Variants in MCPH1 observed in about 807,000 individuals in gnomAD.
MCPH1 encodes microcephalin 1.
A neutral mutation model predicts 84.5 loss-of-function variants in MCPH1; 104 were observed. That is an observed-to-expected ratio of 1.23 (90% CI 1.05 to 1.45). The LOEUF is 1.45. Ranked by LOEUF, MCPH1 falls within the 40% of genes most tolerant of loss-of-function variation. The pLI, the probability that MCPH1 is intolerant of heterozygous loss-of-function variation, is 0.00. For missense variants in MCPH1, 1,498 were observed against 1,005.7 expected (o/e 1.49, Z -6.62); for synonymous variants, 514 against 366.8 (o/e 1.40, Z -4.58).
chr8:6,604,382 A>C (rs796682931), intron 12 of MCPH1, among the ~76,000 whole-genome samples: 2 of 152,356 alleles, frequency 1.3e-5, no homozygotes, highest in African/African-American at 2.4e-5. Context: ...TGTAGACTCC[A>C]CTACCCTAAT....
Position 6,647,774 on chromosome 8 carries a change from G to C in MCPH1, c.*4725G>C, listed in dbSNP as rs1045546681. 4.6e-5 allele frequency: 7 copies of C among 152,226 alleles called. No homozygotes were observed. Among genetic ancestry groups the C allele is most frequent in the African/African-American group, 9.7e-5 (4 of 41,446 alleles). The allele number at this position is 152,226 out of a possible 1,614,324, so 9.4% of individuals were successfully genotyped here. On this transcript the variant is annotated 3_prime_UTR_variant, in exon 14 of 14. Transcript: ENST00000344683. ...AGCTGGGGATGGGAGTGGGAACAGA[G>C]AGCAAACATTTTGGGATGATGGAAA...
At chr8:6,531,933 A>T (rs1163701340) in intron 12 of MCPH1, among the ~76,000 whole-genome samples, 1 of 152,202 alleles carries the variant, frequency 6.6e-6, no homozygotes, top group East Asian at 1.9e-4. Context: ...ATTTAAGGCC[A>T]GAGTTTCTAG....
chr8:6,517,417 C>T (rs1816474602), intron 12 of MCPH1, among the ~76,000 whole-genome samples: 1 of 152,176 alleles, frequency 6.6e-6, no homozygotes, highest in Non-Finnish European at 1.5e-5. Flanking sequence ...AGGAAATGAC[C>T]ATACATGCTT....
At chr8:6,465,881 G>A (rs968295372) in intron 9 of MCPH1, among the ~76,000 whole-genome samples, 1 of 152,026 alleles carries the variant, frequency 6.6e-6, no homozygotes, top group Non-Finnish European at 1.5e-5. Context: ...ATTTATGTCT[G>A]TTCTCTTGAG....
At chr8:6,531,801 TA>T (rs5889176) in intron 12 of MCPH1, among the ~76,000 whole-genome samples, 102,954 of 151,902 alleles carry the variant, frequency 0.68, 35,130 homozygotes, top group Non-Finnish European at 0.72. Context: ...TGCTCGGGCG[TA>T]GCACCATCTT....
chr8:6,427,284 T>C (rs1036363564), intron 3 of MCPH1, among the ~76,000 whole-genome samples: 1 of 152,216 alleles, frequency 6.6e-6, no homozygotes, highest in African/African-American at 2.4e-5. Flanking sequence ...CCTAGGACAT[T>C]ACTACTATAC....
intron 11 of MCPH1, among the ~76,000 whole-genome samples, chr8:6,499,304 A>G (rs959397038): frequency 1.2e-4 from 18 of 152,128 alleles, no homozygotes; most frequent in African/African-American, 3.4e-4. Flanking sequence ...GATGATAATG[A>G]TGACGATGAA....
At chr8:6,423,933 T>G (rs1019864243) in intron 3 of MCPH1, among the ~76,000 whole-genome samples, 1 of 152,220 alleles carries the variant, frequency 6.6e-6, no homozygotes, top group South Asian at 2.1e-4. Context: ...TTAGTGAGCT[T>G]GAATTTTCTT....
intron 11 of MCPH1, among the ~76,000 whole-genome samples, chr8:6,482,141 A>G (rs1212640982): frequency 6.6e-6 from 1 of 152,176 alleles, no homozygotes; most frequent in Non-Finnish European, 1.5e-5. Context: ...TATTTGGCCT[A>G]ATAATGTTCC....
At chr8:6,407,181 C>T (rs1431207601) in intron 1 of MCPH1, 1 of 195,096 alleles carries the variant, frequency 5.1e-6, no homozygotes, top group African/African-American at 2.4e-5. Flanking sequence ...TGGGTCTGGT[C>T]CTGTTCGACC....
At position 6,466,142 on chromosome 8, in the gene MCPH1, T is replaced by C. The variant is rs901115343; in HGVS notation, c.1935+10890T>C. On this transcript the variant is annotated intron_variant, in intron 9 of 13. Coordinates refer to ENST00000344683, the MANE Select transcript of MCPH1 (RefSeq NM_024596.5). The stretch of plus-strand genomic sequence containing the variant: ...GCTAATTTTTGGATTTTTTTTTTTT[T>C]TTTTTTTTTTCCTGAGACAGAGTCT... 8.7e-3 allele frequency among the ~76,000 whole-genome samples: 1,253 copies of C among 143,236 alleles called. 29 individuals carry two copies. The highest frequency in any genetic ancestry group is 0.03 in the African/African-American group (1,167 of 38,674). 94.0% of individuals were successfully genotyped at this position (143,236 alleles called of 152,430 possible).
At chr8:6,494,381 G>A (rs1309005039) in intron 11 of MCPH1, 1 of 152,070 alleles carries the variant, frequency 6.6e-6, no homozygotes, top group East Asian at 1.9e-4. Flanking sequence ...TTCTCTGATG[G>A]CCTGTGTGTT....
At chr8:6,420,021 C>A (rs911122327) in intron 3 of MCPH1, among the ~76,000 whole-genome samples, 11 of 151,422 alleles carry the variant, frequency 7.3e-5, no homozygotes, top group South Asian at 2.1e-4. Flanking sequence ...TGCTGTCTTG[C>A]ATAGTTTCTT....
intron 12 of MCPH1, among the ~76,000 whole-genome samples, chr8:6,587,713 A>T (rs1191577612): frequency 6.6e-6 from 1 of 152,374 alleles, no homozygotes; most frequent in Admixed American, 6.5e-5. Context: ...ATAAGAATGC[A>T]GTATTACTTG....
At chr8:6,565,560 T>G (rs776241197) in intron 12 of MCPH1, among the ~76,000 whole-genome samples, 1 of 152,184 alleles carries the variant, frequency 6.6e-6, no homozygotes, top group Admixed American at 6.5e-5. Context: ...GTACCTGGCC[T>G]GCATATATGG....
chr8:6,427,188 C>T (rs1019265976), intron 3 of MCPH1, among the ~76,000 whole-genome samples: 3 of 152,174 alleles, frequency 2.0e-5, no homozygotes, highest in Non-Finnish European at 4.4e-5. Context: ...GGTACACCTA[C>T]ATAGGGCGTT....
chr8:6,617,790 C>T (rs1445158368), intron 12 of MCPH1, among the ~76,000 whole-genome samples: 1 of 152,162 alleles, frequency 6.6e-6, no homozygotes, highest in Non-Finnish European at 1.5e-5. Context: ...GATCCTCCCA[C>T]CTCAGCCTCC....
intron 12 of MCPH1, among the ~76,000 whole-genome samples, chr8:6,562,219 G>T (rs1453658200): frequency 1.3e-5 from 2 of 152,092 alleles, no homozygotes; most frequent in African/African-American, 2.4e-5. Context: ...TGGTTGTCAC[G>T]GTCTCTCTGG....
chr8:6,519,509 T>C (rs1816899628), intron 12 of MCPH1, among the ~76,000 whole-genome samples: 1 of 152,242 alleles, frequency 6.6e-6, no homozygotes, highest in South Asian at 2.1e-4. Flanking sequence ...ACTATGGTTG[T>C]TCAACCTTCA....
Sources: gnomAD v4.1 joint callset for allele counts (sites outside exome capture counted in the v4.1 genomes callset) on GRCh38, gnomAD v4.1.1 for gene constraint, MANE v1.5 for transcripts, NCBI Gene and HGNC (gene_info 2026-07-23, HGNC 2026-07-21) for gene names.